NTRK3: variants seen among roughly 807,000 people sequenced by gnomAD.
NTRK3 encodes NT-3 growth factor receptor.
NTRK3 carries 24 observed loss-of-function variants against 91.7 expected under a neutral mutation model. The observed-to-expected ratio is 0.26, with a 90% CI of 0.19 to 0.37. The LOEUF (loss-of-function observed/expected upper bound fraction) is 0.37, where lower values mean the gene tolerates loss of function less well. Ranked by LOEUF, NTRK3 falls within the 10% of genes least tolerant of loss-of-function variation. The probability of loss-of-function intolerance (pLI) is 1.00; values close to 1 mark genes in which losing one functional copy is unlikely to be tolerated. For missense variants in NTRK3, 880 were observed against 1,068.9 expected (o/e 0.82, Z 2.46); for synonymous variants, 483 against 404.0 (o/e 1.20, Z -2.34).
rs2065501517 is a variant in NTRK3 at position 87,885,818 on chromosome 15, C to T, written c.2134-5390G>A. 9 of 494,028 alleles carry T rather than the reference C, an allele frequency of 1.8e-5. No homozygotes were observed. In the Admixed American group the frequency reaches 3.5e-4, roughly 19 times the overall value. The allele number at this position is 494,028 out of a possible 1,614,324, so 30.6% of individuals were successfully genotyped here. Reference sequence around the variant, plus strand: ...TTATCCTCAGAAAAGGAAGGCCTTCCTAAATAAGACACATGTTCAAGAAGC... The same window carrying T: ...TTATCCTCAGAAAAGGAAGGCCTTCTTAAATAAGACACATGTTCAAGAAGC... On this transcript the variant is annotated intron_variant, in intron 17 of 18. Transcript: ENST00000394480.
exon 9 of NTRK3, chr15:88,135,971 C>G (rs753152048): frequency 2.5e-6 from 4 of 1,614,250 alleles, no homozygotes; most frequent in Non-Finnish European, 3.4e-6. Context: ...AGGGTGAAGC[C>G]ATTGTCCTCA....
At chr15:87,861,660 T>G (rs1024899194) in exon 19 of NTRK3, 1 of 194,782 alleles carries the variant, frequency 5.1e-6, no homozygotes, top group Non-Finnish European at 1.1e-5. Context: ...GAGTGGAAAA[T>G]ACAAGACTTT....
In NTRK3 at chr15:88,119,287, G is replaced by T. The variant is rs552732714; in HGVS notation, c.1396+6984C>A. ...ATTCTAGAACTCAGTCATCAAGTGG[G>T]GTGGGCCTTTGTCTGCAGTCAGAGC... On this transcript the variant is annotated intron_variant, in intron 13 of 18. Coordinates refer to ENST00000394480, the Ensembl canonical transcript of NTRK3. 5.3e-5 allele frequency among the ~76,000 whole-genome samples: 8 copies of T among 152,306 alleles called. No individual in the cohort carries two copies. In the East Asian group the frequency reaches 1.5e-3, roughly 29 times the overall value.
At chr15:87,871,001 G>T (rs760471112) in exon 19 of NTRK3, 42 of 230,760 alleles carry the variant, frequency 1.8e-4, no homozygotes, top group Admixed American at 1.1e-3. Context: ...AAGCTCACTG[G>T]TTCAAGACAT....
intron 5 of NTRK3, among the ~76,000 whole-genome samples, chr15:88,159,943 T>TAAAC: frequency 8.9e-6 from 1 of 112,048 alleles, no homozygotes; most frequent in South Asian, 3.9e-4. Context: ...CCCAGCCTCC[T>TAAAC]ACACACACAC....
At chr15:87,916,096 T>C (rs2141792291) in intron 17 of NTRK3, among the ~76,000 whole-genome samples, 1 of 150,406 alleles carries the variant, frequency 6.6e-6, no homozygotes. Context: ...GTCTTCTGAT[T>C]CCTCCTCCTC....
chr15:88,149,573 G>T (rs190534766), intron 5 of NTRK3, among the ~76,000 whole-genome samples: 1 of 152,292 alleles, frequency 6.6e-6, no homozygotes, highest in Non-Finnish European at 1.5e-5. Flanking sequence ...TGACTATACA[G>T]CTTATTCCTA....
chr15:88,136,730 G>T, intron 7 of NTRK3, 121 bp from the exon 8 acceptor site: 1 of 1,246,990 alleles, frequency 8.0e-7, no homozygotes, highest in Non-Finnish European at 1.1e-6. Flanking sequence ...AACACCACCT[G>T]CTTGAGTTCT....
chr15:88,206,574 C>T (rs1449841895), intron 3 of NTRK3, among the ~76,000 whole-genome samples: 3 of 145,928 alleles, frequency 2.1e-5, no homozygotes, highest in South Asian at 4.7e-4. Flanking sequence ...AGGAGAATGG[C>T]GCGAACCCGG....
At chr15:88,199,971 G>A (rs929914230) in intron 3 of NTRK3, among the ~76,000 whole-genome samples, 6 of 152,242 alleles carry the variant, frequency 3.9e-5, no homozygotes, top group Non-Finnish European at 4.4e-5. Context: ...AGTCAGGGGA[G>A]TCAGAGCCAG....
At chr15:88,167,553 G>A (rs1180417914) in intron 5 of NTRK3, among the ~76,000 whole-genome samples, 1 of 152,136 alleles carries the variant, frequency 6.6e-6, no homozygotes, top group Admixed American at 6.5e-5. Context: ...TCTTATTATA[G>A]CATATTAAAT....
chr15:88,149,283 A>C (rs1319158674), intron 5 of NTRK3, among the ~76,000 whole-genome samples: 2 of 152,190 alleles, frequency 1.3e-5, no homozygotes, highest in Non-Finnish European at 2.9e-5. Context: ...ATGGCCCATG[A>C]CTGTGCAGAG....
In NTRK3 at chr15:88,155,947, G is replaced by C. The variant is rs112134925; in HGVS notation, c.396-8544C>G. 6.2e-3 allele frequency among the ~76,000 whole-genome samples: 951 copies of C among 152,288 alleles called. 13 individuals carry two copies. Among genetic ancestry groups the C allele is most frequent in the Middle Eastern group, 0.034 (10 of 294 alleles). On this transcript the variant is annotated intron_variant, in intron 5 of 18. Transcript: ENST00000394480. ...TCAATTTGAATTGGCCACATTGCAA[G>C]TGCTTGATAGCCATGAGTGGCCAAA...
At chr15:88,158,064 G>A (rs772605298) in intron 5 of NTRK3, among the ~76,000 whole-genome samples, 12 of 152,176 alleles carry the variant, frequency 7.9e-5, no homozygotes, top group Non-Finnish European at 1.2e-4. Context: ...GTGACTCTGC[G>A]TGAGTTACTT....
chr15:88,003,127 C>A (rs1489070900), intron 14 of NTRK3, among the ~76,000 whole-genome samples: 1 of 152,228 alleles, frequency 6.6e-6, no homozygotes, highest in Non-Finnish European at 1.5e-5. Context: ...TTGACTAATT[C>A]TTTACAAGGC....
rs1434487960 is a variant in NTRK3, at chr15:88,234,451, C to G, written c.248+21455G>C. On this transcript the variant is annotated intron_variant, in intron 3 of 18. Coordinates refer to ENST00000394480, the Ensembl canonical transcript of NTRK3. The surrounding 1 kb of genome is among the most constrained non-coding windows in gnomAD (Gnocchi z 6.1). ...CACAGTCTCTCCCCTCTCGACTTCC[C>G]CAGCCAGAATGAACTTTCTTCAGCT... is the stretch of plus-strand genomic sequence containing the variant. 6.6e-6 allele frequency among the ~76,000 whole-genome samples: 1 copy of G among 152,200 alleles called. No individual in the cohort carries two copies. The highest frequency in any genetic ancestry group is 1.5e-5 in the Non-Finnish European group (1 of 68,034).
rs199751794 is a variant in NTRK3 at position 88,184,324 on chromosome 15, G to A, written c.249-25C>T. 1,782 of 1,611,240 alleles carry A rather than the reference G, an allele frequency of 1.1e-3. 5 individuals carry two copies. The highest frequency in any genetic ancestry group is 5.1e-3 in the Admixed American group (305 of 59,886). On this transcript the variant is annotated intron_variant, in intron 3 of 18. Coordinates refer to ENST00000394480, the Ensembl canonical transcript of NTRK3. ...TCTGCAGGGGAGGAGGAAAGGTAAC[G>A]GTCAGCCAGAAGCAACAGAAATGGG...
intron 17 of NTRK3, among the ~76,000 whole-genome samples, chr15:87,886,136 A>G (rs141274463): frequency 1.3e-5 from 2 of 152,208 alleles, no homozygotes; most frequent in East Asian, 1.9e-4. Context: ...CTGAATGTCA[A>G]TTGGGAAAGA....
chr15:87,913,280 C>T (rs2067226966), intron 17 of NTRK3, among the ~76,000 whole-genome samples: 1 of 152,074 alleles, frequency 6.6e-6, no homozygotes, highest in Admixed American at 6.5e-5. Flanking sequence ...ACCCCTTTCT[C>T]TGAATATGAT....
Sources: gnomAD v4.1 joint callset for allele counts (sites outside exome capture counted in the v4.1 genomes callset) on GRCh38, gnomAD v4.1.1 for gene constraint, Gnocchi (gnomAD v3.1) non-coding constraint, MANE v1.5 for transcripts, NCBI Gene and HGNC (gene_info 2026-07-23, HGNC 2026-07-21) for gene names.